The following SMAP1 variants were observed in gnomAD, a reference collection of about 807,000 sequenced individuals.
SMAP1 encodes the protein small ArfGAP 1, also known as stromal membrane-associated protein 1.
Under a neutral mutation model 58.5 loss-of-function variants are expected in SMAP1, and 24 were observed. That is an observed-to-expected ratio of 0.41 (90% CI 0.30 to 0.58). The LOEUF (loss-of-function observed/expected upper bound fraction) is 0.58. SMAP1 is among the 20% of genes least tolerant of loss of function. SMAP1 has a pLI of 0.29. For missense variants in SMAP1, 563 were observed against 566.3 expected, an observed-to-expected ratio of 0.99 and a Z score of 0.06; for synonymous variants, 216 against 196.6, an observed-to-expected ratio of 1.10 and a Z score of -0.82.
At chr6:70,848,072 T>A (rs559295897) in intron 7 of SMAP1, among the ~76,000 whole-genome samples, 29 of 152,344 alleles carry the variant, frequency 1.9e-4, no homozygotes, top group African/African-American at 7.0e-4. Flanking sequence ...CATCTTGGTA[T>A]TTTCTTGATT....
chr6:70,811,120 A>T (rs1769369007), intron 6 of SMAP1, among the ~76,000 whole-genome samples: 1 of 152,164 alleles, frequency 6.6e-6, no homozygotes, highest in Admixed American at 6.5e-5. Context: ...AGATAGAAGA[A>T]CCTATACTTG....
intron 1 of SMAP1, among the ~76,000 whole-genome samples, chr6:70,688,706 C>A (rs910268642): frequency 6.6e-6 from 1 of 152,134 alleles, no homozygotes; most frequent in Non-Finnish European, 1.5e-5. Context: ...CAGATATGTG[C>A]AAATACTTTT....
At chr6:70,782,078 C>G (rs1409742564) in intron 4 of SMAP1, among the ~76,000 whole-genome samples, 1 of 152,118 alleles carries the variant, frequency 6.6e-6, no homozygotes, top group Non-Finnish European at 1.5e-5. Context: ...TTCGGAAGGA[C>G]ATTTAAGTAT....
At chr6:70,672,727 GTGTGAAAGGGAGTGCACC>G (rs1371556196) in intron 1 of SMAP1, among the ~76,000 whole-genome samples, 9 of 152,150 alleles carry the variant, frequency 5.9e-5, no homozygotes, top group Admixed American at 5.9e-4. Flanking sequence ...GCAGCAGGGT[GTGTGAAAGGGAGTGCACC>G]TGTGAAAGGG....
chr6:70,828,958 A>T (rs1770250368), intron 6 of SMAP1, among the ~76,000 whole-genome samples: 1 of 152,168 alleles, frequency 6.6e-6, no homozygotes, highest in South Asian at 2.1e-4. Context: ...AGGTAGAAGG[A>T]TCACCTGAGC....
intron 3 of SMAP1, among the ~76,000 whole-genome samples, chr6:70,772,443 T>C (rs532915266): frequency 5.3e-5 from 8 of 152,216 alleles, no homozygotes; most frequent in Non-Finnish European, 1.2e-4. Flanking sequence ...TGGGTTTTTT[T>C]CTGTAATTAT....
At chr6:70,714,330 G>A (rs577271969) in intron 1 of SMAP1, among the ~76,000 whole-genome samples, 5 of 151,880 alleles carry the variant, frequency 3.3e-5, no homozygotes, top group East Asian at 1.9e-4. Flanking sequence ...TCCTATTGTC[G>A]TCTTGTTGCT....
Position 70,732,538 on chromosome 6 carries a change from T to A in SMAP1, c.252+27T>A, listed in dbSNP as rs770290254. On this transcript the variant is annotated intron_variant, in intron 2 of 10. Transcript: ENST00000370455. ...TAAACATGACGTTACCAAGAAATTA[T>A]TTAAAATATTTAAAATGATTTAAAA... The A allele has an allele frequency of 2.7e-6, 4 of 1,462,626 alleles. No individual in the cohort carries two copies. In the East Asian group the frequency reaches 1.0e-4, roughly 38 times the overall value. The allele number at this position is 1,462,626 out of a possible 1,614,324, so 90.6% of individuals were successfully genotyped here. A position where few individuals can be genotyped will look rare whatever the true frequency, so the allele number is the denominator to read the frequency against.
chr6:70,731,005 G>A (rs557955452), intron 1 of SMAP1, among the ~76,000 whole-genome samples: 5 of 152,222 alleles, frequency 3.3e-5, no homozygotes, highest in African/African-American at 1.2e-4. Context: ...TCACCAGGTT[G>A]GCCAGGCTGT....
intron 1 of SMAP1, among the ~76,000 whole-genome samples, chr6:70,710,886 G>A (rs980955865): frequency 5.3e-5 from 8 of 151,094 alleles, no homozygotes; most frequent in Non-Finnish European, 8.8e-5. Flanking sequence ...AGCTTTTTTT[G>A]TTCAAAACTA....
At chr6:70,727,394 C>T (rs565438441) in intron 1 of SMAP1, among the ~76,000 whole-genome samples, 1 of 152,334 alleles carries the variant, frequency 6.6e-6, no homozygotes, top group African/African-American at 2.4e-5. Context: ...CAGGCGTGAG[C>T]CACTGCGCCC....
At chr6:70,853,311 C>T (rs1448720311) in intron 8 of SMAP1, among the ~76,000 whole-genome samples, 1 of 151,850 alleles carries the variant, frequency 6.6e-6, no homozygotes, top group Non-Finnish European at 1.5e-5. Context: ...CTTAACATTA[C>T]ATGGAATTTT....
Position 70,768,210 on chromosome 6 carries a change from T to C in SMAP1, c.339-5140T>C, listed in dbSNP as rs1767090465. 1.3e-5 allele frequency among the ~76,000 whole-genome samples: 2 copies of C among 152,346 alleles called. 1 individual carries two copies. Among genetic ancestry groups the C allele is most frequent in the South Asian group, 4.1e-4 (2 of 4,828 alleles). ...CATCAAGGAGATTGGTCTAAAATTCTCTTTTTTGGTTGTGTCTCTGTCAGG... is the reference window on the plus strand; with the variant it reads ...CATCAAGGAGATTGGTCTAAAATTCCCTTTTTTGGTTGTGTCTCTGTCAGG... On this transcript the variant is annotated intron_variant, in intron 3 of 10. Transcript: ENST00000370455.
chr6:70,748,545 A>G (rs12191208), intron 2 of SMAP1, among the ~76,000 whole-genome samples: 66,033 of 151,798 alleles, frequency 0.44, 14,722 homozygotes, highest in South Asian at 0.5. Context: ...TTTAAAATAT[A>G]TATTCATGAT....
chr6:70,695,486 C>T (rs1015053091), intron 1 of SMAP1, among the ~76,000 whole-genome samples: 4 of 152,010 alleles, frequency 2.6e-5, no homozygotes, highest in African/African-American at 9.7e-5. Flanking sequence ...GGGTTTCTAT[C>T]ATAAAGGGAT....
In SMAP1 at chr6:70,773,340, C is replaced by G. The variant is rs1456767191; in HGVS notation, c.339-10C>G. 32 of 1,521,388 alleles carry G rather than the reference C, an allele frequency of 2.1e-5. No homozygotes were observed. Among genetic ancestry groups the G allele is most frequent in the Non-Finnish European group, 2.9e-5 (32 of 1,106,382 alleles). The allele number at this position is 1,521,388 out of a possible 1,614,324, so 94.2% of individuals were successfully genotyped here. ...GAATTCATGCTTTTCCTTAAGTTATCTGTTTTCAGAGCAGTGGAATTTTTC... is the reference window on the plus strand; with the variant it reads ...GAATTCATGCTTTTCCTTAAGTTATGTGTTTTCAGAGCAGTGGAATTTTTC... On this transcript the variant is annotated splice_polypyrimidine_tract_variant and intron_variant, in intron 3 of 10. Coordinates refer to ENST00000370455, the MANE Select transcript of SMAP1 (RefSeq NM_001044305.3).
At chr6:70,699,965 G>A (rs1767560089) in intron 1 of SMAP1, among the ~76,000 whole-genome samples, 1 of 151,846 alleles carries the variant, frequency 6.6e-6, no homozygotes, top group African/African-American at 2.4e-5. Flanking sequence ...TCCTCAAGCA[G>A]AAGGTGATAT....
intron 1 of SMAP1, among the ~76,000 whole-genome samples, chr6:70,709,433 G>C (rs1767966307): frequency 6.6e-6 from 1 of 151,556 alleles, no homozygotes; most frequent in Non-Finnish European, 1.5e-5. Context: ...TGACTTCCTT[G>C]CTCAAGTGAT....
At chr6:70,859,309 A>ATACTGGCTC in intron 10 of SMAP1, 1 of 1,536,728 alleles carries the variant, frequency 6.5e-7, no homozygotes, top group Non-Finnish European at 8.8e-7. Flanking sequence ...GAAGGAGTTA[A>ATACTGGCTC]TACTGGCTCT....
Sources: allele counts gnomAD v4.1 joint callset (sites outside exome capture counted in the v4.1 genomes callset), GRCh38; gene constraint gnomAD v4.1.1; transcripts MANE v1.5; gene names NCBI Gene and HGNC (gene_info 2026-07-23, HGNC 2026-07-21).